NCKAP1: variants seen among roughly 807,000 people sequenced by gnomAD.
NCKAP1 encodes the protein nck-associated protein 1.
Under a neutral mutation model 151.2 loss-of-function variants are expected in NCKAP1, and 21 were observed. The ratio of observed to expected loss-of-function variants is 0.14; its 90% confidence interval spans 0.10 to 0.20. The LOEUF (loss-of-function observed/expected upper bound fraction) is 0.20, where lower values mean the gene tolerates loss of function less well. Among genes scored for constraint, NCKAP1 ranks in the 10% least tolerant of loss-of-function variants. NCKAP1 has a pLI of 1.00. For missense variants in NCKAP1, 933 were observed against 1,352.1 expected (o/e 0.69, Z 4.86); for synonymous variants, 484 against 451.8 (o/e 1.07, Z -0.90).
In NCKAP1 at chr2:183,037,869, G is replaced by T. The variant is rs1468378055; in HGVS notation, c.108+123C>A. 2.6e-5 allele frequency: 18 copies of T among 700,002 alleles called. No individual in the cohort carries two copies. The East Asian group carries it at 2.8e-4, about 11-fold the overall frequency. 43.4% of individuals were successfully genotyped at this position (700,002 alleles called of 1,614,324 possible). ...TCCAGGCGACCCCGGGCCGGGCCTC[G>T]GGCGGCGACGCCGAGATTTCTACAC... On this transcript the variant is annotated intron_variant, in intron 1 of 30. Transcript: ENST00000361354.
rs373153543 is a variant in NCKAP1, at chr2:182,952,401, T to C, written c.2601+4A>G. 6.3e-7 allele frequency: 1 copy of C among 1,576,518 alleles called. No homozygotes were observed. Among genetic ancestry groups the C allele is most frequent in the Non-Finnish European group, 8.7e-7 (1 of 1,155,752 alleles). ...AAAGCTAAAATTAATAAAGACTATA[T>C]TACCTTAAGTTCAGCAACTTGTGAT... On this transcript the variant is annotated splice_donor_region_variant and intron_variant, in intron 23 of 30. Transcript: ENST00000361354.
At chr2:182,986,284 G>A (rs1262720757) in intron 9 of NCKAP1, 57 bp from the exon 10 acceptor site, 30 of 1,369,676 alleles carry the variant, frequency 2.2e-5, no homozygotes, top group Non-Finnish European at 2.9e-5. Flanking sequence ...CTGTCAAAAT[G>A]AGTAAGTCTA....
At chr2:182,956,055 T>C (rs1468622963) in intron 20 of NCKAP1, among the ~76,000 whole-genome samples, 2 of 152,186 alleles carry the variant, frequency 1.3e-5, no homozygotes, top group Non-Finnish European at 2.9e-5. Flanking sequence ...CAGTTCATTA[T>C]TCTTGAGACA....
intron 2 of NCKAP1, among the ~76,000 whole-genome samples, chr2:183,009,342 T>A (rs1000423682): frequency 1.5e-5 from 2 of 135,858 alleles, no homozygotes; most frequent in African/African-American, 5.6e-5. Context: ...GCCATTGTAC[T>A]CCAGCCTGGG....
chr2:182,952,966 T>C, intron 21 of NCKAP1, 43 bp from the exon 22 acceptor site: 1 of 1,578,670 alleles, frequency 6.3e-7, no homozygotes, highest in African/African-American at 1.4e-5. Context: ...AACTGCTTAA[T>C]TCAGAATGTA....
intron 15 of NCKAP1, among the ~76,000 whole-genome samples, chr2:182,975,132 C>T (rs1208691343): frequency 6.6e-6 from 1 of 152,136 alleles, no homozygotes; most frequent in Non-Finnish European, 1.5e-5. Context: ...ACATGTATAT[C>T]CTTTGGCAGA....
At chr2:182,971,169 C>T (rs994500649) in intron 15 of NCKAP1, among the ~76,000 whole-genome samples, 12 of 151,606 alleles carry the variant, frequency 7.9e-5, no homozygotes, top group African/African-American at 2.2e-4. Context: ...CCGAGGCGGG[C>T]GGATCACGAG....
At chr2:182,938,923 G>A (rs1277500054) in intron 24 of NCKAP1, among the ~76,000 whole-genome samples, 4 of 152,184 alleles carry the variant, frequency 2.6e-5, no homozygotes, top group Non-Finnish European at 4.4e-5. Context: ...ACATGGCTGT[G>A]ATCTGAGAGT....
In NCKAP1 at chr2:182,909,159, G is replaced by A. The variant is rs1220856642; in HGVS notation, c.*16543C>T. 2 of 152,180 alleles carry A rather than the reference G, an allele frequency of 1.3e-5. No individual in the cohort carries two copies. The highest frequency in any genetic ancestry group is 6.5e-5 in the Admixed American group (1 of 15,284). 9.4% of individuals were successfully genotyped at this position (152,180 alleles called of 1,614,324 possible). On this transcript the variant is annotated 3_prime_UTR_variant, in exon 31 of 31. Coordinates refer to ENST00000361354, the MANE Select transcript of NCKAP1 (RefSeq NM_013436.5). ...TTATTTTGACACCACCAAAAGGAAT[G>A]TAGATCTCTCTGTTTTGATCTGGAA...
chr2:182,976,634 G>A (rs947437155), intron 15 of NCKAP1, among the ~76,000 whole-genome samples: 1 of 152,036 alleles, frequency 6.6e-6, no homozygotes, highest in Non-Finnish European at 1.5e-5. Flanking sequence ...TTTGAATCAG[G>A]ATAATCAAGA....
intron 15 of NCKAP1, among the ~76,000 whole-genome samples, chr2:182,972,424 A>T (rs1038528560): frequency 6.6e-6 from 1 of 152,128 alleles, no homozygotes; most frequent in Non-Finnish European, 1.5e-5. Context: ...CAGAAAATAA[A>T]TGCTAACGAG....
intron 23 of NCKAP1, among the ~76,000 whole-genome samples, chr2:182,946,111 G>A (rs1477253790): frequency 6.6e-6 from 1 of 152,164 alleles, no homozygotes; most frequent in Non-Finnish European, 1.5e-5. Flanking sequence ...TAAACATCAA[G>A]TACACATAGA....
At chr2:183,029,091 T>C (rs1472864927) in intron 1 of NCKAP1, among the ~76,000 whole-genome samples, 1 of 152,000 alleles carries the variant, frequency 6.6e-6, no homozygotes, top group Non-Finnish European at 1.5e-5. Context: ...CACTCCAGCC[T>C]GGGCAACAAG....
chr2:182,999,253 A>T (rs1204339927), intron 6 of NCKAP1, among the ~76,000 whole-genome samples: 2 of 152,244 alleles, frequency 1.3e-5, no homozygotes, highest in Admixed American at 6.5e-5. Flanking sequence ...TGTACCCAAC[A>T]TAGGACTAAT....
rs748353899 is a variant in NCKAP1 at position 182,986,233 on chromosome 2, TG to T, written c.948-7del. ...CATTAATACGTTTATTATAGCTAGGTGCAAAAACAAATTAGAACGTTAGTTT... is the reference window on the plus strand; with the variant it reads ...CATTAATACGTTTATTATAGCTAGGTCAAAAACAAATTAGAACGTTAGTTT... On this transcript the variant is annotated splice_region_variant and splice_polypyrimidine_tract_variant and intron_variant, in intron 9 of 30. Coordinates refer to ENST00000361354, the MANE Select transcript of NCKAP1 (RefSeq NM_013436.5). The T allele has an allele frequency of 3.7e-6, 6 of 1,611,058 alleles. No homozygotes were observed. The highest frequency in any genetic ancestry group is 5.1e-6 in the Non-Finnish European group (6 of 1,177,518).
At chr2:182,993,567 C>T (rs1698209939) in intron 8 of NCKAP1, among the ~76,000 whole-genome samples, 1 of 152,080 alleles carries the variant, frequency 6.6e-6, no homozygotes. Context: ...AATTCATATC[C>T]TTTGCAGTAA....
intron 1 of NCKAP1, among the ~76,000 whole-genome samples, chr2:183,029,552 T>C (rs1202241503): frequency 1.3e-5 from 2 of 151,078 alleles, no homozygotes; most frequent in East Asian, 3.9e-4. Context: ...GACTGCTCAG[T>C]AGCTCACACC....
At chr2:183,016,076 G>T (rs1698682570) in intron 2 of NCKAP1, among the ~76,000 whole-genome samples, 1 of 152,082 alleles carries the variant, frequency 6.6e-6, no homozygotes, top group Non-Finnish European at 1.5e-5. Context: ...AAGCATATTT[G>T]TTATAGTTCT....
chr2:182,996,350 T>C lies in NCKAP1; in HGVS notation c.604-512A>G, dbSNP rs1036262828. Among the ~76,000 whole-genome samples the C allele has an allele frequency of 2.6e-5, 4 of 152,366 alleles. No homozygotes were observed. The South Asian group carries it at 8.3e-4, about 32-fold the overall frequency. On this transcript the variant is annotated intron_variant, in intron 6 of 30. Coordinates refer to ENST00000361354, the MANE Select transcript of NCKAP1 (RefSeq NM_013436.5). ...TTCTCTTTATCAACGGGTTTGTTGATTACAGCTTTATTATCAAGGTATTTA... is the reference window on the plus strand; with the variant it reads ...TTCTCTTTATCAACGGGTTTGTTGACTACAGCTTTATTATCAAGGTATTTA...
Sources: gnomAD v4.1 joint callset for allele counts (sites outside exome capture counted in the v4.1 genomes callset) on GRCh38, gnomAD v4.1.1 for gene constraint, MANE v1.5 for transcripts, NCBI Gene and HGNC (gene_info 2026-07-23, HGNC 2026-07-21) for gene names.